DST: variants seen among roughly 807,000 people sequenced by gnomAD.
The protein encoded by DST is bullous pemphigoid antigen.
Under a neutral mutation model 875.2 loss-of-function variants are expected in DST, and 253 were observed. The ratio of observed to expected loss-of-function variants is 0.29; its 90% CI spans 0.26 to 0.32. The LOEUF is 0.32. DST is among the 10% of genes least tolerant of loss of function. The probability of loss-of-function intolerance (pLI) is 1.00; values close to 1 mark genes in which losing one functional copy is unlikely to be tolerated. For synonymous variants in DST, 3,124 were observed against 3,197.1 expected, an observed-to-expected ratio of 0.98 and a Z score of 0.77; for missense variants, 8,287 against 9,111.6, an observed-to-expected ratio of 0.91 and a Z score of 3.68.
intron 91 of DST, among the ~76,000 whole-genome samples, 197 bp downstream of exon 91, chr6:56,477,148 C>T (rs942488762): frequency 6.6e-6 from 1 of 152,106 alleles, no homozygotes; most frequent in Non-Finnish European, 1.5e-5. Context: ...GACATAGCTG[C>T]AAAATTTCTT....
At chr6:56,665,582 T>C (rs941750527) in intron 10 of DST, among the ~76,000 whole-genome samples, 9 of 152,120 alleles carry the variant, frequency 5.9e-5, no homozygotes, top group Non-Finnish European at 1.2e-4. Flanking sequence ...ACCTCCGTTA[T>C]GTAAAAGGTA....
At chr6:56,854,847 G>A (rs1767040464) in intron 3 of DST, among the ~76,000 whole-genome samples, 1 of 152,160 alleles carries the variant, frequency 6.6e-6, no homozygotes, top group Non-Finnish European at 1.5e-5. Flanking sequence ...TAAAGTACAA[G>A]AGTCAATACA....
rs772996523 is a variant in DST, at chr6:56,492,204, G to A, written c.20757+23C>T. The A allele has an allele frequency of 2.7e-5, 44 of 1,604,394 alleles. No homozygotes were observed. In the Middle Eastern group the frequency reaches 9.9e-4, roughly 36 times the overall value. On this transcript the variant is annotated intron_variant, in intron 85 of 103. Coordinates refer to ENST00000680361, the MANE Select transcript of DST (RefSeq NM_001374736.1). ...GAAGTGGTTTATTGACAAGTTCAGAGAATTTTTCTAAAGGGTTATTACCTG... is the reference window on the plus strand; with the variant it reads ...GAAGTGGTTTATTGACAAGTTCAGAAAATTTTTCTAAAGGGTTATTACCTG...
chr6:56,905,327 G>A (rs9296856), intron 2 of DST, among the ~76,000 whole-genome samples: 41,802 of 151,950 alleles, frequency 0.28, 6,094 homozygotes, highest in African/African-American at 0.36. Context: ...TGTTAACTCT[G>A]GGTACAATGT....
intron 2 of DST, among the ~76,000 whole-genome samples, chr6:56,907,028 C>T (rs1210788957): frequency 6.6e-6 from 1 of 152,144 alleles, no homozygotes; most frequent in Non-Finnish European, 1.5e-5. Context: ...AATAATAACC[C>T]AGTACATCTC....
chr6:56,742,257 G>T (rs1462868247), intron 4 of DST: 2 of 1,272,226 alleles, frequency 1.6e-6, no homozygotes, highest in East Asian at 1.1e-4. Context: ...GATAGTATAT[G>T]TGATACTACT....
intron 4 of DST, among the ~76,000 whole-genome samples, chr6:56,741,052 A>C (rs1446735189): frequency 6.6e-6 from 1 of 152,188 alleles, no homozygotes; most frequent in Admixed American, 6.5e-5. Context: ...CTTCTTTTCT[A>C]AGTGAATAAA....
rs3828936 is a variant in DST at position 56,628,898 on chromosome 6, C to T, written c.4475+352G>A. ...TCTTAAGTCCAGTATAGAAGCTACA[C>T]ACAGCCCTATCACATGCATGCTTCA... On this transcript the variant is annotated intron_variant, in intron 32 of 103. Coordinates refer to ENST00000680361, the MANE Select transcript of DST (RefSeq NM_001374736.1). Among the ~76,000 whole-genome samples, 101 of 152,280 alleles carry T rather than the reference C, an allele frequency of 6.6e-4. 1 individual carries two copies. The East Asian group carries it at 0.018, about 26-fold the overall frequency.
chr6:56,749,532 C>G (rs556997925), intron 4 of DST, among the ~76,000 whole-genome samples: 3 of 152,096 alleles, frequency 2.0e-5, no homozygotes, highest in Non-Finnish European at 4.4e-5. Flanking sequence ...AATACACGGC[C>G]TAATATTCAT....
At chr6:56,583,113 T>C (rs550423562) in intron 49 of DST, among the ~76,000 whole-genome samples, 13 of 152,350 alleles carry the variant, frequency 8.5e-5, no homozygotes, top group Admixed American at 7.8e-4. Context: ...ATATACCCAG[T>C]AATGGGATGG....
intron 17 of DST, among the ~76,000 whole-genome samples, chr6:56,641,109 T>A (rs1354379164): frequency 6.8e-6 from 1 of 146,024 alleles, no homozygotes; most frequent in East Asian, 2.0e-4. Flanking sequence ...TTTACATATT[T>A]ATGCACAGAG....
intron 43 of DST, among the ~76,000 whole-genome samples, chr6:56,602,399 A>G (rs2098454402): frequency 6.6e-6 from 1 of 151,960 alleles, no homozygotes; most frequent in Non-Finnish European, 1.5e-5. Flanking sequence ...CCTAGGAGCA[A>G]CAGGTATATC....
At chr6:56,511,906 A>G (rs1347214956) in intron 72 of DST, among the ~76,000 whole-genome samples, 5 of 152,164 alleles carry the variant, frequency 3.3e-5, no homozygotes, top group African/African-American at 1.2e-4. Context: ...AAGAAGCTCA[A>G]TATAAGTTAG....
intron 5 of DST, among the ~76,000 whole-genome samples, chr6:56,708,187 A>C (rs560917152): frequency 1.2e-4 from 19 of 152,192 alleles, no homozygotes; most frequent in African/African-American, 4.3e-4. Flanking sequence ...AACAGCCTAA[A>C]CTCTCTAGGC....
intron 3 of DST, among the ~76,000 whole-genome samples, chr6:56,855,744 G>A (rs1405019606): frequency 3.3e-5 from 5 of 152,166 alleles, no homozygotes; most frequent in African/African-American, 1.2e-4. Context: ...CAAGGCACAA[G>A]GCAGGAACCA....
chr6:56,917,296 T>C (rs986396625), intron 2 of DST, among the ~76,000 whole-genome samples: 2 of 152,232 alleles, frequency 1.3e-5, no homozygotes, highest in African/African-American at 4.8e-5. Context: ...AATCTTCTGA[T>C]AATTTATGCT....
chr6:56,769,839 G>GA (rs2099644722), intron 4 of DST, among the ~76,000 whole-genome samples: 1 of 152,056 alleles, frequency 6.6e-6, no homozygotes, highest in Non-Finnish European at 1.5e-5. Flanking sequence ...AAGAAGGAAA[G>GA]AAAAAATGTA....
At chr6:56,545,014 AC>A (rs1004361034) in intron 61 of DST, among the ~76,000 whole-genome samples, 1 of 152,072 alleles carries the variant, frequency 6.6e-6, no homozygotes, top group Non-Finnish European at 1.5e-5. Context: ...TAGATCCATC[AC>A]ATTTTCTTTT....
intron 10 of DST, among the ~76,000 whole-genome samples, chr6:56,658,073 T>C (rs947008276): frequency 3.4e-5 from 5 of 146,872 alleles, no homozygotes; most frequent in South Asian, 2.2e-4. Context: ...GCCGTAATTC[T>C]TTTTTTTTGA....
Sources: allele counts gnomAD v4.1 joint callset (sites outside exome capture counted in the v4.1 genomes callset), GRCh38; gene constraint gnomAD v4.1.1; transcripts MANE v1.5; gene names NCBI Gene and HGNC (gene_info 2026-07-23, HGNC 2026-07-21).